Variants in TMEM67 observed in about 807,000 individuals in gnomAD.
The protein encoded by TMEM67 is meckelin.
In TMEM67, 124 loss-of-function variants were observed where a neutral mutation model predicts 136.6. The observed-to-expected ratio is 0.91, with a 90% CI of 0.78 to 1.05. The LOEUF is 1.05. TMEM67 is among the 50% of genes least tolerant of loss of function. The probability of loss-of-function intolerance (pLI) is 0.00; values close to 1 mark genes in which losing one functional copy is unlikely to be tolerated. For synonymous variants in TMEM67, 364 were observed against 390.5 expected, an observed-to-expected ratio of 0.93 and a Z score of 0.80; for missense variants, 1,107 against 1,178.4, an observed-to-expected ratio of 0.94 and a Z score of 0.89.
chr8:93,805,181 A>G (rs1247155857), intron 23 of TMEM67, among the ~76,000 whole-genome samples: 2 of 152,136 alleles, frequency 1.3e-5, no homozygotes, highest in African/African-American at 2.4e-5. Context: ...CATGTTGGCC[A>G]GGCTGGTCTT....
chr8:93,780,906 A>G lies in TMEM67; in HGVS notation c.902A>G (p.Asp301Gly). The G allele has an allele frequency of 6.2e-7, 1 of 1,612,438 alleles. No homozygotes were observed. Among genetic ancestry groups the G allele is most frequent in the East Asian group, 2.2e-5 (1 of 44,816 alleles). Residue 301 changes from aspartate (D) to glycine (G), a missense_variant, in exon 9 of 28, where the codon GAC (aspartate) becomes GGC (glycine). Asp to Gly is a moderately conservative substitution (Grantham distance 94, BLOSUM62 -1). Transcript: ENST00000453321. Reference protein sequence around the residue: ...RQNLPWLFYGDQLGLAPQVLS... With the variant: ...RQNLPWLFYGGQLGLAPQVLS... ...AATCTTCCTTGGCTGTTTTATGGAG[A>G]CCAGTTAGGATTAGCACCTCAAGTG... is the stretch of plus-strand genomic sequence containing the variant.
intron 3 of TMEM67, chr8:93,759,052 AAT>A (rs890395077): frequency 3.3e-5 from 5 of 152,608 alleles, no homozygotes; most frequent in African/African-American, 1.2e-4. Context: ...AACATGACAA[AAT>A]ATGTCTCAAC....
At chr8:93,776,705 C>T (rs1432524223) in intron 7 of TMEM67, among the ~76,000 whole-genome samples, 1 of 152,212 alleles carries the variant, frequency 6.6e-6, no homozygotes, top group East Asian at 1.9e-4. Flanking sequence ...ATGAAGTCAG[C>T]TTGATCGTGT....
the TMEM67 span, among the ~76,000 whole-genome samples, chr8:93,828,742 CAA>C: frequency 9.3e-3 from 828 of 89,208 alleles, 6 homozygotes; most frequent in African/African-American, 0.029. Flanking sequence ...AAGACTGTCT[CAA>C]AAAAAAAAAA....
downstream of TMEM67, among the ~76,000 whole-genome samples, chr8:93,823,744 T>C (rs1809073282): frequency 6.6e-6 from 1 of 152,160 alleles, no homozygotes; most frequent in Non-Finnish European, 1.5e-5. Context: ...GAGTCAAGAA[T>C]ATAGTTTCAA....
At chr8:93,783,747 G>C (rs1813960170) in intron 11 of TMEM67, among the ~76,000 whole-genome samples, 1 of 152,212 alleles carries the variant, frequency 6.6e-6, no homozygotes, top group African/African-American at 2.4e-5. Context: ...AAGCAAACAT[G>C]TCCTTTTTCA....
intron 20 of TMEM67, among the ~76,000 whole-genome samples, chr8:93,798,045 A>G (rs977536406): frequency 6.6e-6 from 1 of 152,104 alleles, no homozygotes; most frequent in Non-Finnish European, 1.5e-5. Context: ...CAAAATCATC[A>G]TCACCATTCA....
chr8:93,792,346 A>G (rs749598653), intron 15 of TMEM67, among the ~76,000 whole-genome samples: 4 of 150,336 alleles, frequency 2.7e-5, no homozygotes, highest in South Asian at 2.1e-4. Context: ...TAATTTTTTA[A>G]TATTTTTAGT....
chr8:93,755,024 A>G lies in TMEM67; in HGVS notation c.110A>G (p.Gln37Arg). The G allele has an allele frequency of 2.5e-6, 4 of 1,614,188 alleles. No homozygotes were observed. The highest frequency in any genetic ancestry group is 3.4e-6 in the Non-Finnish European group (4 of 1,180,034). The change falls in exon 1 of 28, where the codon CAG (glutamine) becomes CGG (arginine). Residue 37 changes from glutamine (Q) to arginine (R), a missense_variant. Gln to Arg is a conservative substitution (Grantham distance 43). Around this residue, in one of 3 missense-constraint regions of TMEM67, gnomAD observed 178 missense variants for 159.2 expected, o/e 1.12. Transcript: ENST00000453321. ...TTCCTCCCTCGCTTCTTACAGGCCCAGACCTTCTCTTTCCCTTTCCAGCAG... is the reference window on the plus strand; with the variant it reads ...TTCCTCCCTCGCTTCTTACAGGCCCGGACCTTCTCTTTCCCTTTCCAGCAG... The part of the protein sequence containing the change: ...LLFLPRFLQA[Q>R]TFSFPFQQPE...
intron 16 of TMEM67, among the ~76,000 whole-genome samples, chr8:93,794,289 G>C (rs1439213232): frequency 6.6e-6 from 1 of 152,088 alleles, no homozygotes; most frequent in Non-Finnish European, 1.5e-5. Flanking sequence ...CCTATATCAA[G>C]ATCACAAAGA....
rs761023053 is a variant in TMEM67, at chr8:93,786,268, T to C, written c.1334T>C (p.Val445Ala). 7.4e-6 allele frequency: 12 copies of C among 1,613,908 alleles called. No individual in the cohort carries two copies. The highest frequency in any genetic ancestry group is 1.0e-5 in the Non-Finnish European group (12 of 1,179,940). The stretch of plus-strand genomic sequence containing the variant: ...CTTCTAACTCGGCGCATTTTCTTAG[T>C]GGATGCAGTAAGTGGACGAGAAAAT... The part of the protein sequence containing the change: ...KWLLTRRIFL[V>A]DAVSGRENDL... Residue 445 changes from valine to alanine, a missense_variant, in exon 13 of 28, where the codon GTG (valine) becomes GCG (alanine). By Grantham distance (64) the Val-to-Ala change is moderately conservative. Around this residue, in one of 3 missense-constraint regions of TMEM67, gnomAD observed 925 missense variants for 1,002.4 expected, o/e 0.92. Coordinates refer to ENST00000453321, the MANE Select transcript of TMEM67 (RefSeq NM_153704.6).
rs587779735 is a variant in TMEM67, at chr8:93,755,751, CTTTTTTTT to C, written c.224-10_224-3del. ...TTTTATTTATCAAGGATAAAATTGG[CTTTTTTTT>C]TTTTTTTTTTTTTTTTAGGAACTTC... On this transcript the variant is annotated intron_variant, in intron 1 of 27. Coordinates refer to ENST00000453321, the MANE Select transcript of TMEM67 (RefSeq NM_153704.6). 6.6e-5 allele frequency: 42 copies of C among 633,114 alleles called. No homozygotes were observed. The highest frequency in any genetic ancestry group is 2.1e-4 in the Admixed American group (6 of 28,736). 39.2% of individuals were successfully genotyped at this position (633,114 alleles called of 1,614,324 possible).
intron 3 of TMEM67, among the ~76,000 whole-genome samples, chr8:93,763,592 C>A (rs1812944322): frequency 6.6e-6 from 1 of 151,924 alleles, no homozygotes; most frequent in Non-Finnish European, 1.5e-5. Flanking sequence ...AAATGATTTT[C>A]TATATTTTAC....
chr8:93,820,861 G>T (rs1809031600), downstream of TMEM67, among the ~76,000 whole-genome samples: 1 of 152,160 alleles, frequency 6.6e-6, no homozygotes, highest in African/African-American at 2.4e-5. Context: ...GCTAGAAGTA[G>T]CAATAGACAA....
intron 3 of TMEM67, chr8:93,760,010 G>T: frequency 6.8e-7 from 1 of 1,464,104 alleles, no homozygotes. Context: ...ATTACTGAGG[G>T]ATATGAAGGC....
chr8:93,778,601 C>T (rs546320283), intron 7 of TMEM67, among the ~76,000 whole-genome samples: 1 of 152,272 alleles, frequency 6.6e-6, no homozygotes, highest in African/African-American at 2.4e-5. Context: ...TTTTATTTCT[C>T]CTTCACTTAT....
At chr8:93,772,524 C>A (rs962559293) in intron 6 of TMEM67, 65 bp from the exon 7 acceptor site, 13 of 1,130,500 alleles carry the variant, frequency 1.1e-5, no homozygotes, top group Non-Finnish European at 1.7e-5. Context: ...AGACATTTCC[C>A]ATTCAACAAT....
At chr8:93,800,204 C>T (rs1376607740) in intron 21 of TMEM67, among the ~76,000 whole-genome samples, 1 of 152,184 alleles carries the variant, frequency 6.6e-6, no homozygotes, top group Non-Finnish European at 1.5e-5. Context: ...AGCCATCGCA[C>T]CCAGCCAGTA....
At chr8:93,767,927 G>T (rs1469750977) in intron 6 of TMEM67, among the ~76,000 whole-genome samples, 1 of 144,606 alleles carries the variant, frequency 6.9e-6, no homozygotes, top group South Asian at 2.2e-4. Flanking sequence ...GTGCAATGGC[G>T]CAATCTTAGC....
Sources: gnomAD v4.1 joint callset for allele counts (sites outside exome capture counted in the v4.1 genomes callset) on GRCh38, gnomAD v4.1.1 for gene constraint, gnomAD v4.1.1 regional missense constraint, MANE v1.5 for transcripts, NCBI Gene and HGNC (gene_info 2026-07-23, HGNC 2026-07-21) for gene names.